The following EYS variants were observed in gnomAD, a reference collection of about 807,000 sequenced individuals.
EYS encodes protein eyes shut homolog.
A neutral mutation model predicts 282.1 loss-of-function variants in EYS; 250 were observed. The observed-to-expected ratio is 0.89, with a 90% CI of 0.80 to 0.98. EYS has a LOEUF of 0.98. Ranked by LOEUF, EYS falls within the 50% of genes least tolerant of loss-of-function variation. The probability of loss-of-function intolerance (pLI) is 0.00; values close to 1 mark genes in which losing one functional copy is unlikely to be tolerated. For synonymous variants in EYS, 1,355 were observed against 1,282.9 expected, an observed-to-expected ratio of 1.06 and a Z score of -1.20; for missense variants, 4,016 against 3,709.0, an observed-to-expected ratio of 1.08 and a Z score of -2.15.
intron 1 of EYS, among the ~76,000 whole-genome samples, chr6:65,682,612 T>C (rs905095314): frequency 3.3e-5 from 5 of 151,996 alleles, no homozygotes; most frequent in African/African-American, 1.2e-4. Flanking sequence ...TTGCCTAATA[T>C]ATATCACATG....
intron 30 of EYS, among the ~76,000 whole-genome samples, chr6:64,303,795 C>G (rs9451281): frequency 0.62 from 87,766 of 142,476 alleles, 27,495 homozygotes; most frequent in Non-Finnish European, 0.69. Flanking sequence ...GAGTCGAGAT[C>G]GCGCCACTGC....
Position 63,937,345 on chromosome 6 carries a change from C to CTTTTTTTT in EYS, c.7055+47030_7055+47037dup, listed in dbSNP as rs778809745. 1.2e-3 allele frequency among the ~76,000 whole-genome samples: 63 copies of CTTTTTTTT among 54,410 alleles called. 5 individuals carry two copies. Among genetic ancestry groups the CTTTTTTTT allele is most frequent in the Non-Finnish European group, 1.9e-3 (55 of 28,370 alleles). 35.7% of individuals were successfully genotyped at this position (54,410 alleles called of 152,430 possible). On this transcript the variant is annotated intron_variant, in intron 35 of 42. Coordinates refer to ENST00000503581, the MANE Select transcript of EYS (RefSeq NM_001142800.2). ...CAAATTTTCTAGGCTTCTCTCTTTT[C>CTTTTTTTT]TTTTTTTTTTTTTTTTTTTTTTTTT...
At chr6:63,878,600 C>A (rs1484680334) in intron 35 of EYS, among the ~76,000 whole-genome samples, 8 of 152,300 alleles carry the variant, frequency 5.3e-5, no homozygotes, top group Non-Finnish European at 1.0e-4. Flanking sequence ...GCAGGCAGGC[C>A]TCCTTGAACT....
chr6:64,501,954 G>A (rs1675270924), intron 26 of EYS, among the ~76,000 whole-genome samples: 1 of 152,280 alleles, frequency 6.6e-6, no homozygotes, highest in Admixed American at 6.5e-5. Context: ...TGGAACTTGG[G>A]CAAATTACTT....
intron 31 of EYS, among the ~76,000 whole-genome samples, chr6:64,143,746 C>G (rs970933225): frequency 6.6e-6 from 1 of 152,176 alleles, no homozygotes; most frequent in African/African-American, 2.4e-5. Context: ...ACCACAGTCT[C>G]TTTATTCCAC....
In EYS at chr6:64,886,698, T is replaced by A; in HGVS notation, c.2991A>T (p.Thr997=). ...GYNCLCAPGY[T]GINCEINLDE... ...CACATGGGACAGATATGGATTTACC[T>A]GTATAACCAGGGGCACAGAGGCAGT... Residue 997 remains threonine, a splice_region_variant and synonymous_variant, in exon 19 of 43, where the codon ACA becomes ACT. Transcript: ENST00000503581. 1 of 1,543,300 alleles carries A rather than the reference T, an allele frequency of 6.5e-7. No homozygotes were observed.
intron 5 of EYS, among the ~76,000 whole-genome samples, chr6:65,452,660 GT>G (rs1764448510): frequency 6.6e-6 from 1 of 152,042 alleles, no homozygotes; most frequent in Admixed American, 6.6e-5. Flanking sequence ...CCCTAAGGAA[GT>G]TCTCAAAGAA....
At chr6:64,850,043 T>C (rs1765834512) in intron 19 of EYS, among the ~76,000 whole-genome samples, 1 of 152,036 alleles carries the variant, frequency 6.6e-6, no homozygotes, top group South Asian at 2.1e-4. Flanking sequence ...ATTTTGCTTA[T>C]TACAGGAGCC....
chr6:64,746,180 G>T (rs138292397), intron 22 of EYS, among the ~76,000 whole-genome samples: 1 of 151,920 alleles, frequency 6.6e-6, no homozygotes, highest in African/African-American at 2.4e-5. Flanking sequence ...AACTCGTGTT[G>T]AAATTTAATT....
At position 64,097,695 on chromosome 6, in the gene EYS, G is replaced by A. The variant is rs149499438; in HGVS notation, c.6425-15693C>T. Among the ~76,000 whole-genome samples the A allele has an allele frequency of 4.9e-4, 74 of 152,288 alleles. No individual in the cohort carries two copies. In the East Asian group the frequency reaches 0.013, roughly 27 times the overall value. On this transcript the variant is annotated intron_variant, in intron 31 of 42. Coordinates refer to ENST00000503581, the MANE Select transcript of EYS (RefSeq NM_001142800.2). ...GGAAGGGAATTCCCTGACCCCTTGGGCTTCCCAGGTGAGGTGATACCTTGC... is the reference window on the plus strand; with the variant it reads ...GGAAGGGAATTCCCTGACCCCTTGGACTTCCCAGGTGAGGTGATACCTTGC...
At position 64,415,370 on chromosome 6, in the gene EYS, G is replaced by T. The variant is rs1774027407; in HGVS notation, c.5927+20804C>A. Among the ~76,000 whole-genome samples the T allele has an allele frequency of 1.3e-5, 2 of 152,134 alleles. 1 individual carries two copies. Among genetic ancestry groups the T allele is most frequent in the South Asian group, 4.1e-4 (2 of 4,834 alleles). On this transcript the variant is annotated intron_variant, in intron 28 of 42. Transcript: ENST00000503581. ...TATTTTCAATTCTGCTTTTTGTGAT[G>T]CTCTAAAAAACAATAAATGTTTTAT...
chr6:64,586,945 G>A (rs1161307400), intron 26 of EYS, among the ~76,000 whole-genome samples: 3 of 152,062 alleles, frequency 2.0e-5, no homozygotes, highest in African/African-American at 7.2e-5. Flanking sequence ...CAAATTGCTA[G>A]AATATGTTCC....
intron 28 of EYS, among the ~76,000 whole-genome samples, chr6:64,413,348 C>T (rs1321637252): frequency 6.6e-6 from 1 of 152,058 alleles, no homozygotes; most frequent in Non-Finnish European, 1.5e-5. Flanking sequence ...GCTTCCCTTG[C>T]CAATGTCCAA....
chr6:65,258,618 A>G (rs1306880936), intron 12 of EYS, among the ~76,000 whole-genome samples: 2 of 152,046 alleles, frequency 1.3e-5, no homozygotes, highest in Admixed American at 1.3e-4. Flanking sequence ...GCATTGGTTA[A>G]AAACTAATAA....
intron 1 of EYS, among the ~76,000 whole-genome samples, chr6:65,691,481 A>T (rs143675252): frequency 0.012 from 1,721 of 145,366 alleles, 68 homozygotes; most frequent in African/African-American, 0.04. Flanking sequence ...TCTGGATATT[A>T]GCCCTTTGTC....
intron 2 of EYS, among the ~76,000 whole-genome samples, chr6:65,499,692 G>A (rs1766379733): frequency 6.6e-6 from 1 of 152,008 alleles, no homozygotes; most frequent in South Asian, 2.1e-4. Flanking sequence ...AATTATAGGA[G>A]TGAAAATGTG....
At chr6:65,158,689 G>A (rs1764783512) in intron 12 of EYS, among the ~76,000 whole-genome samples, 1 of 150,778 alleles carries the variant, frequency 6.6e-6, no homozygotes, top group South Asian at 2.1e-4. Flanking sequence ...CATAACCTGG[G>A]TATCTCTAAA....
At chr6:65,029,689 C>T (rs941905373) in intron 13 of EYS, among the ~76,000 whole-genome samples, 2 of 151,942 alleles carry the variant, frequency 1.3e-5, no homozygotes, top group African/African-American at 4.8e-5. Context: ...GGAGAAGGAG[C>T]CAAGATGGCC....
intron 14 of EYS, among the ~76,000 whole-genome samples, chr6:64,970,580 T>A (rs1382533416): frequency 4.6e-5 from 7 of 152,200 alleles, no homozygotes; most frequent in Non-Finnish European, 8.8e-5. Flanking sequence ...CATCATGTGA[T>A]GCTAATCATC....
Sources: gnomAD v4.1 joint callset for allele counts (sites outside exome capture counted in the v4.1 genomes callset) on GRCh38, gnomAD v4.1.1 for gene constraint, MANE v1.5 for transcripts, NCBI Gene and HGNC (gene_info 2026-07-23, HGNC 2026-07-21) for gene names.